CNR2: variants seen among roughly 807,000 people sequenced by gnomAD.
CNR2 encodes cannabinoid receptor 2 (macrophage).
For missense variants in CNR2, 379 were observed against 439.9 expected, an observed-to-expected ratio of 0.86 and a Z score of 1.24; for synonymous variants, 172 against 182.2, an observed-to-expected ratio of 0.94 and a Z score of 0.45.
intron 1 of CNR2, chr1:23,902,785 C>CCGCGCGGGCGCG: frequency 6.9e-7 from 1 of 1,459,706 alleles, no homozygotes; most frequent in South Asian, 1.4e-5. Context: ...CAAGTGTGGG[C>CCGCGCGGGCGCG]TGCGCGGGCG....
At position 23,904,001 on chromosome 1, in the gene CNR2, T is replaced by C. The variant is rs138863154; in HGVS notation, c.-46+9245A>G. Among the ~76,000 whole-genome samples, 94 of 152,216 alleles carry C rather than the reference T, an allele frequency of 6.2e-4. 1 individual carries two copies. Among genetic ancestry groups the C allele is most frequent in the African/African-American group, 1.9e-3 (78 of 41,548 alleles). On this transcript the variant is annotated intron_variant, in intron 1 of 1. Coordinates refer to ENST00000374472, the MANE Select transcript of CNR2 (RefSeq NM_001841.3). ...TCTCCCGGGGACTTCTCTCTAATCT[T>C]TCTGGGGGGCCCTTTGAAATGTTAA...
intron 1 of CNR2, among the ~76,000 whole-genome samples, chr1:23,886,142 T>C (rs908066969): frequency 3.6e-4 from 54 of 148,316 alleles, no homozygotes; most frequent in African/African-American, 1.2e-3. Flanking sequence ...TGAGCCAAGA[T>C]TGCACCACTG....
intron 1 of CNR2, among the ~76,000 whole-genome samples, chr1:23,883,309 G>C (rs768318122): frequency 6.6e-6 from 1 of 152,234 alleles, no homozygotes; most frequent in Non-Finnish European, 1.5e-5. Context: ...AAAATCTGGT[G>C]AAGTTGACGA....
chr1:23,888,990 A>G (rs1640140009), intron 1 of CNR2, among the ~76,000 whole-genome samples: 1 of 151,760 alleles, frequency 6.6e-6, no homozygotes, highest in Non-Finnish European at 1.5e-5. Context: ...AAATAAATAA[A>G]GAAGAAGAAA....
intron 1 of CNR2, among the ~76,000 whole-genome samples, chr1:23,877,003 G>C (rs1469945065): frequency 1.3e-5 from 2 of 152,100 alleles, no homozygotes; most frequent in African/African-American, 4.8e-5. Flanking sequence ...TTTCTAAACA[G>C]GTTGTATAGG....
intron 1 of CNR2, among the ~76,000 whole-genome samples, chr1:23,881,224 C>A (rs1246464091): frequency 6.6e-6 from 1 of 151,090 alleles, no homozygotes; most frequent in East Asian, 2.0e-4. Context: ...TGCAGTGAGC[C>A]AAAATCACAC....
At chr1:23,910,125 T>TA (rs1344288932) in intron 1 of CNR2, among the ~76,000 whole-genome samples, 1 of 143,200 alleles carries the variant, frequency 7.0e-6, no homozygotes, top group Admixed American at 6.9e-5. Flanking sequence ...ATTTTTAATT[T>TA]TTTTTTTTTT....
At chr1:23,886,747 A>G (rs1480640402) in intron 1 of CNR2, among the ~76,000 whole-genome samples, 1 of 152,218 alleles carries the variant, frequency 6.6e-6, no homozygotes, top group African/African-American at 2.4e-5. Flanking sequence ...AAGAATGGGG[A>G]TATAATTTGC....
At chr1:23,910,243 G>A (rs1208378163) in intron 1 of CNR2, among the ~76,000 whole-genome samples, 1 of 147,500 alleles carries the variant, frequency 6.8e-6, no homozygotes, top group Non-Finnish European at 1.5e-5. Context: ...TTACAGGTAT[G>A]AGCCACCATG....
rs533406349 is a variant in CNR2, at chr1:23,898,213, A to G, written c.-46+15033T>C. On this transcript the variant is annotated intron_variant, in intron 1 of 1. Transcript: ENST00000374472. ...AGCTATTTTTTTATTATTTTTTTGT[A>G]TTTTTAGTAGACACAGGGTTTCACC... Among the ~76,000 whole-genome samples the G allele has an allele frequency of 4.7e-5, 7 of 149,626 alleles. 1 individual carries two copies. In the South Asian group the frequency reaches 1.5e-3, roughly 32 times the overall value.
chr1:23,875,119 G>C lies in CNR2; in HGVS notation c.499C>G (p.Leu167Val). ...CAGCAAGTCCATCCCATGAGGGGCAGGTAGGAGACTAGTGCTGAGAGGACC... is the reference window on the plus strand; with the variant it reads ...CAGCAAGTCCATCCCATGAGGGGCACGTAGGAGACTAGTGCTGAGAGGACC... ...MWVLSALVSY[L>V]PLMGWTCCPR... The change falls in exon 2 of 2, where the codon CTG (leucine) becomes GTG (valine). Residue 167 changes from leucine (L) to valine (V), a missense_variant. Leu to Val is a conservative substitution (Grantham distance 32). Coordinates refer to ENST00000374472, the MANE Select transcript of CNR2 (RefSeq NM_001841.3). 1 of 1,606,698 alleles carries C rather than the reference G, an allele frequency of 6.2e-7. No individual in the cohort carries two copies. Among genetic ancestry groups the C allele is most frequent in the South Asian group, 1.1e-5 (1 of 89,956 alleles).
chr1:23,899,986 GAAAAGAAA>G (rs1311392723), intron 1 of CNR2, among the ~76,000 whole-genome samples: 4 of 15,220 alleles, frequency 2.6e-4, no homozygotes, highest in Admixed American at 1.2e-3. Flanking sequence ...AAGAAAGAAA[GAAAAGAAA>G]GAAAGAAAGG....
chr1:23,902,588 G>A (rs1432142205), intron 1 of CNR2: 130 of 1,606,296 alleles, frequency 8.1e-5, no homozygotes, highest in Non-Finnish European at 1.0e-4. Flanking sequence ...GGTCCCAGTA[G>A]AACATGGCAT....
At chr1:23,880,915 A>C (rs1177782715) in intron 1 of CNR2, among the ~76,000 whole-genome samples, 1 of 149,716 alleles carries the variant, frequency 6.7e-6, no homozygotes, top group Non-Finnish European at 1.5e-5. Flanking sequence ...ATAATTATAA[A>C]TATAAATTAA....
rs376814877 is a variant in CNR2 at position 23,872,941 on chromosome 1, T to A, written c.*1594A>T. On this transcript the variant is annotated 3_prime_UTR_variant, in exon 2 of 2. Transcript: ENST00000374472. Reference sequence around the variant, plus strand: ...AGCAGGATATAGACTGTAAGCCCCATGAGACAGGGGCACAGTCTCATTTAT... The same window carrying A: ...AGCAGGATATAGACTGTAAGCCCCAAGAGACAGGGGCACAGTCTCATTTAT... 1 of 152,170 alleles carries A rather than the reference T, an allele frequency of 6.6e-6. No homozygotes were observed. The highest frequency in any genetic ancestry group is 1.5e-5 in the Non-Finnish European group (1 of 68,034). 9.4% of individuals were successfully genotyped at this position (152,170 alleles called of 1,614,324 possible).
At chr1:23,902,004 G>T in intron 1 of CNR2, 1 of 1,604,828 alleles carries the variant, frequency 6.2e-7, no homozygotes, top group Non-Finnish European at 8.5e-7. Context: ...AAGATGGTGT[G>T]GGTCTCCTCC....
At chr1:23,885,139 C>T (rs1258595344) in intron 1 of CNR2, among the ~76,000 whole-genome samples, 3 of 152,044 alleles carry the variant, frequency 2.0e-5, no homozygotes, top group Non-Finnish European at 4.4e-5. Context: ...GTGGCTCACA[C>T]CAGTAATCAC....
intron 1 of CNR2, among the ~76,000 whole-genome samples, chr1:23,905,577 G>T (rs1439758710): frequency 6.6e-6 from 1 of 152,008 alleles, no homozygotes; most frequent in African/African-American, 2.4e-5. Context: ...CTGTTCTGTA[G>T]TTGGGGAAAC....
Position 23,874,755 on chromosome 1 carries a change from C to T in CNR2, c.863G>A (p.Cys288Tyr), listed in dbSNP as rs1319274495. 6.2e-7 allele frequency: 1 copy of T among 1,614,182 alleles called. No individual in the cohort carries two copies. Among genetic ancestry groups the T allele is most frequent in the Non-Finnish European group, 8.5e-7 (1 of 1,180,022 alleles). The stretch of plus-strand genomic sequence containing the variant: ...AGGGTTGACCATGGAGTTGATGAGG[C>T]ACAGCATGGAGCAGAAAGCAAAGGC... Reference protein sequence around the residue: ...KKAFAFCSMLCLINSMVNPVI... With the variant: ...KKAFAFCSMLYLINSMVNPVI... The change falls in exon 2 of 2, where the codon TGC becomes TAC. Residue 288 changes from cysteine (C) to tyrosine (Y), a missense_variant. Physicochemically the swap from Cys to Tyr is radical, Grantham distance 194. Coordinates refer to ENST00000374472, the MANE Select transcript of CNR2 (RefSeq NM_001841.3).
Sources: allele counts gnomAD v4.1 joint callset (sites outside exome capture counted in the v4.1 genomes callset), GRCh38; gene constraint gnomAD v4.1.1; transcripts MANE v1.5; gene names NCBI Gene and HGNC (gene_info 2026-07-23, HGNC 2026-07-21).